SORCS1: variants seen among roughly 807,000 people sequenced by gnomAD.
SORCS1 encodes the protein VPS10 domain-containing receptor SorCS1.
SORCS1 carries 60 observed loss-of-function variants against 146.1 expected under a neutral mutation model. That is an observed-to-expected ratio of 0.41 (90% CI 0.33 to 0.51). The LOEUF (loss-of-function observed/expected upper bound fraction) is 0.51. Ranked by LOEUF, SORCS1 falls within the 20% of genes least tolerant of loss-of-function variation. The pLI, the probability that SORCS1 is intolerant of heterozygous loss-of-function variation, is 0.21. For missense variants in SORCS1, 1,352 were observed against 1,487.6 expected (o/e 0.91, Z 1.50); for synonymous variants, 637 against 584.0 (o/e 1.09, Z -1.31).
At chr10:107,146,444 G>T (rs1341029869) in intron 1 of SORCS1, among the ~76,000 whole-genome samples, 2 of 152,136 alleles carry the variant, frequency 1.3e-5, no homozygotes, top group Non-Finnish European at 2.9e-5. Flanking sequence ...TTCCCGAAAA[G>T]AATCCTGGAT....
intron 2 of SORCS1, among the ~76,000 whole-genome samples, chr10:106,913,563 C>A (rs1188141683): frequency 6.6e-6 from 1 of 152,162 alleles, no homozygotes; most frequent in African/African-American, 2.4e-5. Flanking sequence ...ATTAAGGAGA[C>A]AAGGGTTTCG....
Position 106,676,644 on chromosome 10 carries a change from CTG to C in SORCS1, c.1832+667_1832+668del, listed in dbSNP as rs1416712218. 3.3e-5 allele frequency among the ~76,000 whole-genome samples: 5 copies of C among 152,256 alleles called. No homozygotes were observed. In the South Asian group the frequency reaches 1.0e-3, roughly 32 times the overall value. On this transcript the variant is annotated intron_variant, in intron 13 of 25. Coordinates refer to ENST00000263054, the MANE Select transcript of SORCS1 (RefSeq NM_052918.5). Reference sequence around the variant, plus strand: ...AGTAAAACTCTCCCTCTCTCTCTCTCTGTCTGTGTCTCTCTCTCTTTCCTACC... The same window carrying C: ...AGTAAAACTCTCCCTCTCTCTCTCTCTCTGTGTCTCTCTCTCTTTCCTACC...
chr10:107,134,408 G>A (rs966682386), intron 1 of SORCS1, among the ~76,000 whole-genome samples: 4 of 152,184 alleles, frequency 2.6e-5, no homozygotes, highest in African/African-American at 4.8e-5. Context: ...GGAGGCCAAG[G>A]CGGATGGATC....
chr10:107,006,024 A>C (rs1298014642), intron 1 of SORCS1, among the ~76,000 whole-genome samples: 1 of 152,192 alleles, frequency 6.6e-6, no homozygotes, highest in Non-Finnish European at 1.5e-5. Context: ...CCTCCCCTTC[A>C]TATTTCCCTA....
intron 4 of SORCS1, 71 bp downstream of exon 4, chr10:106,776,463 G>A: frequency 6.4e-7 from 1 of 1,569,060 alleles, no homozygotes. Context: ...GAAATGGAGA[G>A]ATGATTAAAT....
chr10:107,084,850 G>C (rs1028925537), intron 1 of SORCS1, among the ~76,000 whole-genome samples: 2 of 152,078 alleles, frequency 1.3e-5, no homozygotes. Flanking sequence ...AAAATTATTT[G>C]AGGCTCTAAT....
chr10:107,008,143 T>C (rs1015534899), intron 1 of SORCS1, among the ~76,000 whole-genome samples: 2 of 152,170 alleles, frequency 1.3e-5, no homozygotes, highest in Non-Finnish European at 2.9e-5. Flanking sequence ...ACTAACATCA[T>C]ACGATTCTTC....
chr10:106,670,654 T>A (rs1851519501), intron 16 of SORCS1, among the ~76,000 whole-genome samples: 1 of 152,146 alleles, frequency 6.6e-6, no homozygotes, highest in Admixed American at 6.6e-5. Context: ...CACTTAGTGT[T>A]TCCAGTGTTG....
intron 2 of SORCS1, among the ~76,000 whole-genome samples, chr10:106,938,485 C>T (rs777809964): frequency 1.3e-5 from 2 of 152,212 alleles, no homozygotes; most frequent in Non-Finnish European, 2.9e-5. Context: ...GCTAGTATAG[C>T]TAAGCTAATC....
At chr10:106,758,470 T>C (rs1397667944) in intron 5 of SORCS1, among the ~76,000 whole-genome samples, 1 of 152,186 alleles carries the variant, frequency 6.6e-6, no homozygotes, top group Admixed American at 6.5e-5. Context: ...CATTTGAAAG[T>C]AGGACTTGAG....
chr10:106,907,693 G>A (rs1443593070), intron 2 of SORCS1, among the ~76,000 whole-genome samples: 1 of 152,074 alleles, frequency 6.6e-6, no homozygotes, highest in Non-Finnish European at 1.5e-5. Flanking sequence ...TTGGGAGGCC[G>A]AGGAGGGTGG....
intron 18 of SORCS1, among the ~76,000 whole-genome samples, chr10:106,648,150 T>C (rs1160922065): frequency 6.6e-6 from 1 of 152,182 alleles, no homozygotes; most frequent in Non-Finnish European, 1.5e-5. Context: ...GCACCATTCC[T>C]ATATCTACCA....
intron 9 of SORCS1, among the ~76,000 whole-genome samples, chr10:106,696,503 A>C (rs948521726): frequency 6.6e-6 from 1 of 152,166 alleles, no homozygotes; most frequent in Non-Finnish European, 1.5e-5. Flanking sequence ...CTGTCAGGCT[A>C]ATAAAACAAA....
intron 3 of SORCS1, among the ~76,000 whole-genome samples, chr10:106,823,570 T>A (rs756199430): frequency 6.6e-6 from 1 of 152,204 alleles, no homozygotes; most frequent in African/African-American, 2.4e-5. Context: ...CAAAATCCTA[T>A]GCTCGGCACG....
At chr10:106,946,318 T>C (rs1954341807) in intron 2 of SORCS1, among the ~76,000 whole-genome samples, 1 of 152,232 alleles carries the variant, frequency 6.6e-6, no homozygotes, top group Non-Finnish European at 1.5e-5. Flanking sequence ...CAGGTTAGTA[T>C]GTGATATGGT....
In SORCS1 at chr10:106,972,461, C is replaced by T. The variant is rs55955836; in HGVS notation, c.559-15881G>A. On this transcript the variant is annotated intron_variant, in intron 1 of 25. Transcript: ENST00000263054. ...GACTTTATTTTTGATTTGTGTCATT[C>T]TCCTAAGCATTCTGAATAACATAAT... Among the ~76,000 whole-genome samples the T allele has an allele frequency of 3.9e-3, 594 of 151,178 alleles. 4 individuals are homozygous for T. The highest frequency in any genetic ancestry group is 0.014 in the African/African-American group (568 of 41,298).
At chr10:106,608,981 G>C (rs1399727638) in intron 22 of SORCS1, among the ~76,000 whole-genome samples, 4 of 152,152 alleles carry the variant, frequency 2.6e-5, no homozygotes. Context: ...AACCCAGCTG[G>C]TGAAGACTCT....
chr10:106,812,129 T>C (rs1947490569), intron 3 of SORCS1, among the ~76,000 whole-genome samples: 1 of 151,948 alleles, frequency 6.6e-6, no homozygotes, highest in Admixed American at 6.6e-5. Context: ...GCCTCCCGAG[T>C]AGCTGGGACT....
chr10:106,982,532 C>T (rs1362251881), intron 1 of SORCS1, among the ~76,000 whole-genome samples: 1 of 152,170 alleles, frequency 6.6e-6, no homozygotes, highest in African/African-American at 2.4e-5. Flanking sequence ...GTAGGGGGCA[C>T]ATGTCTTTCA....
Sources: allele counts gnomAD v4.1 joint callset (sites outside exome capture counted in the v4.1 genomes callset), GRCh38; gene constraint gnomAD v4.1.1; transcripts MANE v1.5; gene names NCBI Gene and HGNC (gene_info 2026-07-23, HGNC 2026-07-21).